RBM27: variants seen among roughly 807,000 people sequenced by gnomAD.
The protein encoded by RBM27 is RNA binding motif protein 27.
RBM27 carries 22 observed loss-of-function variants against 135.3 expected under a neutral mutation model. That is an observed-to-expected ratio of 0.16 (90% CI 0.12 to 0.23). RBM27 has a LOEUF of 0.23. Ranked by LOEUF, RBM27 falls within the 10% of genes least tolerant of loss-of-function variation. The probability of loss-of-function intolerance (pLI) is 1.00; values close to 1 mark genes in which losing one functional copy is unlikely to be tolerated. For synonymous variants in RBM27, 481 were observed against 442.4 expected (o/e 1.09, Z -1.10); for missense variants, 1,009 against 1,281.0 (o/e 0.79, Z 3.24).
chr5:146,203,638 T>TG lies in RBM27; in HGVS notation c.-127dup. 1 of 832,188 alleles carries TG rather than the reference T, an allele frequency of 1.2e-6. No homozygotes were observed. Among genetic ancestry groups the TG allele is most frequent in the Non-Finnish European group, 1.9e-6 (1 of 514,680 alleles). The allele number at this position is 832,188 out of a possible 1,614,324, so 51.6% of individuals were successfully genotyped here. ...TTAGGCCCCGGCCGGGGGAGTAGGT[T>TG]GAAGTCTCCTAAGATGCCCGGTGGG... is the stretch of plus-strand genomic sequence containing the variant. On this transcript the variant is annotated 5_prime_UTR_variant, in exon 1 of 21. Coordinates refer to ENST00000265271, the MANE Select transcript of RBM27 (RefSeq NM_018989.2).
intron 9 of RBM27, among the ~76,000 whole-genome samples, chr5:146,254,593 TAAAAG>T (rs1312565103): frequency 6.6e-6 from 1 of 151,994 alleles, no homozygotes; most frequent in African/African-American, 2.4e-5. Context: ...GTACAATAAT[TAAAAG>T]GAATGCAAGT....
intron 8 of RBM27, among the ~76,000 whole-genome samples, chr5:146,251,058 A>T (rs562852711): frequency 1.0e-5 from 1 of 96,834 alleles, no homozygotes; most frequent in Admixed American, 1.4e-4. Context: ...TACAGGCGTG[A>T]GCCACGTGAG....
chr5:146,252,661 G>A (rs1399819434), intron 9 of RBM27, among the ~76,000 whole-genome samples: 1 of 152,168 alleles, frequency 6.6e-6, no homozygotes, highest in Non-Finnish European at 1.5e-5. Flanking sequence ...TATATTGCAT[G>A]TAATTTTTAG....
chr5:146,282,278 T>C lies in RBM27; in HGVS notation c.2989-2344T>C, dbSNP rs527346429. On this transcript the variant is annotated intron_variant, in intron 19 of 20. Coordinates refer to ENST00000265271, the MANE Select transcript of RBM27 (RefSeq NM_018989.2). The stretch of plus-strand genomic sequence containing the variant: ...ACCTCGGCCTCCCAAAGTGTTAGGA[T>C]TACAGGCGTGAGCCACCGCACCCAG... 2.6e-5 allele frequency among the ~76,000 whole-genome samples: 4 copies of C among 152,350 alleles called. No homozygotes were observed. The South Asian group carries it at 8.3e-4, about 32-fold the overall frequency.
intron 19 of RBM27, among the ~76,000 whole-genome samples, chr5:146,276,844 C>CAGA (rs1375531589): frequency 6.6e-6 from 1 of 152,086 alleles, no homozygotes; most frequent in Non-Finnish European, 1.5e-5. Flanking sequence ...TGCTTGAGCC[C>CAGA]AGAAGTTCAA....
chr5:146,265,420 AAAC>A (rs1374659613), intron 14 of RBM27, among the ~76,000 whole-genome samples: 1 of 152,200 alleles, frequency 6.6e-6, no homozygotes, highest in African/African-American at 2.4e-5. Context: ...AACAGGAAAA[AAAC>A]CAAAAAGATA....
chr5:146,228,364 C>G (rs571659343), intron 3 of RBM27, among the ~76,000 whole-genome samples: 2 of 149,944 alleles, frequency 1.3e-5, no homozygotes, highest in Non-Finnish European at 3.0e-5. Context: ...TCACTGCAAC[C>G]TCTGCCTCCT....
rs112467809 is a variant in RBM27 at position 146,213,771 on chromosome 5, A to G, written c.60-5214A>G. Among the ~76,000 whole-genome samples the G allele has an allele frequency of 5.4e-3, 823 of 152,310 alleles. 4 individuals are homozygous for G. Among genetic ancestry groups the G allele is most frequent in the African/African-American group, 0.019 (782 of 41,562 alleles). On this transcript the variant is annotated intron_variant, in intron 1 of 20. Transcript: ENST00000265271. ...TATACGTGCAATAGAGATTTCATTA[A>G]AAGGGGAAAAAGATAAATTTGAGAT... is the stretch of plus-strand genomic sequence containing the variant.
chr5:146,225,604 C>T (rs1331697612), intron 3 of RBM27, among the ~76,000 whole-genome samples: 11 of 147,976 alleles, frequency 7.4e-5, no homozygotes, highest in East Asian at 3.9e-4. Flanking sequence ...TCCGCTCCAT[C>T]GCCCAGGTTG....
chr5:146,259,212 AT>A (rs977456674), intron 11 of RBM27, among the ~76,000 whole-genome samples: 1 of 152,092 alleles, frequency 6.6e-6, no homozygotes, highest in Admixed American at 6.5e-5. Flanking sequence ...AGTTGAAAAT[AT>A]GCCGTTAAAG....
chr5:146,217,491 T>TG (rs397791364), intron 1 of RBM27, among the ~76,000 whole-genome samples: 5 of 111,468 alleles, frequency 4.5e-5, no homozygotes, highest in Non-Finnish European at 8.0e-5. Flanking sequence ...TTTTTTTTTT[T>TG]GGAGACAAGG....
At chr5:146,235,597 T>C (rs1242983186) in intron 7 of RBM27, among the ~76,000 whole-genome samples, 1 of 152,052 alleles carries the variant, frequency 6.6e-6, no homozygotes, top group Non-Finnish European at 1.5e-5. Context: ...AGTTGGTAAA[T>C]GTTTGGAGGG....
intron 19 of RBM27, among the ~76,000 whole-genome samples, chr5:146,278,252 C>T (rs1396158944): frequency 6.6e-6 from 1 of 152,136 alleles, no homozygotes; most frequent in East Asian, 1.9e-4. Context: ...TCTCTTTGAG[C>T]AGCTTCTACC....
chr5:146,260,156 G>A (rs990736744), intron 11 of RBM27, among the ~76,000 whole-genome samples: 4 of 151,840 alleles, frequency 2.6e-5, no homozygotes, highest in Admixed American at 6.6e-5. Context: ...AAAATTAGTC[G>A]TGCGTGTTGG....
rs2126878623 is a variant in RBM27, at chr5:146,269,199, T to A, written c.2452-8T>A. On this transcript the variant is annotated splice_polypyrimidine_tract_variant and splice_region_variant and intron_variant, in intron 15 of 20. Coordinates refer to ENST00000265271, the MANE Select transcript of RBM27 (RefSeq NM_018989.2). Reference sequence around the variant, plus strand: ...TTATCTGTATTAATTTCTTTTTTACTTATACAGGAAGCAATGAAGTTACAA... The same window carrying A: ...TTATCTGTATTAATTTCTTTTTTACATATACAGGAAGCAATGAAGTTACAA... 6.3e-7 allele frequency: 1 copy of A among 1,584,000 alleles called. No homozygotes were observed. Among genetic ancestry groups the A allele is most frequent in the South Asian group, 1.1e-5 (1 of 87,926 alleles).
At chr5:146,210,361 G>GT (rs753987483) in intron 1 of RBM27, among the ~76,000 whole-genome samples, 1 of 152,128 alleles carries the variant, frequency 6.6e-6, no homozygotes, top group Non-Finnish European at 1.5e-5. Context: ...ACTGATGAAT[G>GT]TATGTATATA....
intron 1 of RBM27, among the ~76,000 whole-genome samples, chr5:146,218,773 A>G (rs1756320849): frequency 6.6e-6 from 1 of 152,256 alleles, no homozygotes. Flanking sequence ...CCTCAAAAAT[A>G]GAAGACATAC....
intron 7 of RBM27, among the ~76,000 whole-genome samples, chr5:146,235,080 T>C (rs1324825498): frequency 9.5e-6 from 1 of 104,830 alleles, no homozygotes; most frequent in Non-Finnish European, 2.1e-5. Context: ...AAATAAAAGA[T>C]GGCAAATTTT....
chr5:146,237,213 C>T (rs1581176098), intron 7 of RBM27, 85 bp from the exon 8 acceptor site: 6 of 1,518,744 alleles, frequency 4.0e-6, no homozygotes, highest in South Asian at 3.6e-5. Flanking sequence ...TTCTGGATTA[C>T]AGGTGTGAGC....
Sources: gnomAD v4.1 joint callset for allele counts (sites outside exome capture counted in the v4.1 genomes callset) on GRCh38, gnomAD v4.1.1 for gene constraint, MANE v1.5 for transcripts, NCBI Gene and HGNC (gene_info 2026-07-23, HGNC 2026-07-21) for gene names.